Variants in NOL4 observed in about 807,000 individuals in gnomAD.
NOL4 encodes nucleolar protein 4, also known as cancer/testis antigen 125.
NOL4 carries 17 observed loss-of-function variants against 75.9 expected under a neutral mutation model. That is an observed-to-expected ratio of 0.22 (90% CI 0.15 to 0.34). The LOEUF (loss-of-function observed/expected upper bound fraction) is 0.34. NOL4 is among the 10% of genes least tolerant of loss of function. The pLI is 1.00. For synonymous variants in NOL4, 292 were observed against 289.9 expected, an observed-to-expected ratio of 1.01 and a Z score of -0.07; for missense variants, 614 against 793.5, an observed-to-expected ratio of 0.77 and a Z score of 2.72.
intron 8 of NOL4, among the ~76,000 whole-genome samples, chr18:33,943,702 A>G (rs1393129587): frequency 6.6e-6 from 1 of 151,938 alleles, no homozygotes; most frequent in African/African-American, 2.4e-5. Flanking sequence ...ATAAATAATT[A>G]AAAACTAAAA....
At position 34,051,362 on chromosome 18, in the gene NOL4, T is replaced by C. The variant is rs1317876752; in HGVS notation, c.773-31761A>G. On this transcript the variant is annotated intron_variant, in intron 5 of 10. Transcript: ENST00000261592. ...TGTCTACATAATTATTATTGGTTTA[T>C]AAAATTCAATAAATAAATATGTATT... Among the ~76,000 whole-genome samples, 5 of 152,266 alleles carry C rather than the reference T, an allele frequency of 3.3e-5. No homozygotes were observed. In the East Asian group the frequency reaches 7.7e-4, roughly 23 times the overall value.
chr18:34,026,696 T>G, intron 5 of NOL4, among the ~76,000 whole-genome samples: 1 of 152,298 alleles, frequency 6.6e-6, no homozygotes, highest in East Asian at 1.9e-4. Flanking sequence ...ATTTTGTAAT[T>G]TTTTAAATAA....
chr18:34,062,032 G>T (rs2077083987), intron 5 of NOL4, among the ~76,000 whole-genome samples: 1 of 152,012 alleles, frequency 6.6e-6, no homozygotes, highest in East Asian at 1.9e-4. Flanking sequence ...AAAATATATA[G>T]CAGGAGCACA....
intron 10 of NOL4, among the ~76,000 whole-genome samples, chr18:33,875,136 G>A (rs1340449838): frequency 1.3e-5 from 2 of 151,972 alleles, no homozygotes; most frequent in African/African-American, 4.8e-5. Context: ...GTTAACTTAT[G>A]CATTATGCAT....
At chr18:34,180,596 T>C (rs1484344782) in intron 1 of NOL4, among the ~76,000 whole-genome samples, 1 of 151,304 alleles carries the variant, frequency 6.6e-6, no homozygotes, top group African/African-American at 2.4e-5. Context: ...TTCAACACTA[T>C]AGTGGAGATT....
At chr18:33,861,973 A>T (rs11081831) in intron 10 of NOL4, among the ~76,000 whole-genome samples, 1 of 151,932 alleles carries the variant, frequency 6.6e-6, no homozygotes, top group Non-Finnish European at 1.5e-5. Flanking sequence ...TCAAACCTAA[A>T]CCAAAAGAAC....
At chr18:33,963,645 A>G (rs1280379511) in intron 6 of NOL4, among the ~76,000 whole-genome samples, 1 of 152,210 alleles carries the variant, frequency 6.6e-6, no homozygotes, top group Non-Finnish European at 1.5e-5. Flanking sequence ...CTCAAAACAC[A>G]GGTGTTGGCT....
chr18:33,921,904 C>T (rs1417683228), intron 9 of NOL4, among the ~76,000 whole-genome samples: 3 of 152,116 alleles, frequency 2.0e-5, no homozygotes, highest in Non-Finnish European at 2.9e-5. Context: ...ACTCTTGTTT[C>T]ATGTGTTTTA....
intron 1 of NOL4, chr18:34,222,538 GGA>G: frequency 1.3e-6 from 1 of 759,496 alleles, no homozygotes; most frequent in Non-Finnish European, 1.6e-6. Context: ...ATGCCAATAA[GGA>G]GACACTGTAG....
intron 1 of NOL4, among the ~76,000 whole-genome samples, chr18:34,197,422 G>A (rs1294771015): frequency 1.3e-5 from 2 of 151,996 alleles, no homozygotes; most frequent in Non-Finnish European, 2.9e-5. Context: ...TGTATAGGCT[G>A]ATAATACCAT....
At chr18:34,043,355 A>G (rs954866956) in intron 5 of NOL4, among the ~76,000 whole-genome samples, 3 of 152,136 alleles carry the variant, frequency 2.0e-5, no homozygotes, top group Non-Finnish European at 2.9e-5. Flanking sequence ...AGCTCCAATC[A>G]TCTTTACAAT....
rs116139849 is a variant in NOL4, at chr18:34,132,593, A to G, written c.265-2573T>C. Among the ~76,000 whole-genome samples the G allele has an allele frequency of 5.6e-3, 847 of 152,302 alleles. 11 individuals are homozygous for G. Among genetic ancestry groups the G allele is most frequent in the African/African-American group, 0.02 (812 of 41,562 alleles). Reference sequence around the variant, plus strand: ...ACCTGTACTCTATAAGTAAAAATCAAAAATGCCTTCAGAGGTTAGGTCTAC... The same window carrying G: ...ACCTGTACTCTATAAGTAAAAATCAGAAATGCCTTCAGAGGTTAGGTCTAC... On this transcript the variant is annotated intron_variant, in intron 1 of 10. Transcript: ENST00000261592.
chr18:34,155,183 A>G (rs2030146424), intron 1 of NOL4, among the ~76,000 whole-genome samples: 1 of 151,976 alleles, frequency 6.6e-6, no homozygotes, highest in Non-Finnish European at 1.5e-5. Context: ...TAACATATAT[A>G]TATATATTTG....
chr18:33,992,814 T>C (rs2146127851), intron 6 of NOL4, among the ~76,000 whole-genome samples: 1 of 152,100 alleles, frequency 6.6e-6, no homozygotes, highest in South Asian at 2.1e-4. Flanking sequence ...AAGGTAGAGG[T>C]GTCAGTTGGA....
intron 1 of NOL4, among the ~76,000 whole-genome samples, chr18:34,139,213 C>T (rs1380715497): frequency 2.0e-5 from 3 of 152,108 alleles, no homozygotes; most frequent in Admixed American, 1.3e-4. Context: ...GGGAGGATTC[C>T]CTCTTTTTCT....
At position 34,022,109 on chromosome 18, in the gene NOL4, A is replaced by T. The variant is rs193174508; in HGVS notation, c.773-2508T>A. ...ACAAGAGCGAAACTGCATCTCAAAA[A>T]AAATAAATAAATAAATAAAATAAAA... On this transcript the variant is annotated intron_variant, in intron 5 of 10. Transcript: ENST00000261592. Among the ~76,000 whole-genome samples the T allele has an allele frequency of 5.4e-3, 815 of 151,690 alleles. 4 individuals are homozygous for T. Among genetic ancestry groups the T allele is most frequent in the South Asian group, 0.016 (79 of 4,820 alleles).
intron 6 of NOL4, among the ~76,000 whole-genome samples, chr18:33,960,786 T>C (rs1405150960): frequency 6.6e-6 from 1 of 152,184 alleles, no homozygotes; most frequent in African/African-American, 2.4e-5. Context: ...TATTCTATGC[T>C]GTCTCTATAG....
At position 34,018,188 on chromosome 18, in the gene NOL4, T is replaced by C. The variant is rs1345387651; in HGVS notation, c.1056+1130A>G. Among the ~76,000 whole-genome samples the C allele has an allele frequency of 2.0e-5, 3 of 152,158 alleles. No individual in the cohort carries two copies. The East Asian group carries it at 5.8e-4, about 29-fold the overall frequency. On this transcript the variant is annotated intron_variant, in intron 6 of 10. Coordinates refer to ENST00000261592, the MANE Select transcript of NOL4 (RefSeq NM_003787.5). ...GAAACTTAGGAGTTATTTTGTTCTG[T>C]AAAATGTAACACAGTGCACAGTGAA... is the stretch of plus-strand genomic sequence containing the variant.
At chr18:34,042,448 T>G (rs1043299780) in intron 5 of NOL4, among the ~76,000 whole-genome samples, 1 of 152,076 alleles carries the variant, frequency 6.6e-6, no homozygotes, top group African/African-American at 2.4e-5. Context: ...ACATGAATGA[T>G]CAAATGTTGA....
Sources: gnomAD v4.1 joint callset for allele counts (sites outside exome capture counted in the v4.1 genomes callset) on GRCh38, gnomAD v4.1.1 for gene constraint, MANE v1.5 for transcripts, NCBI Gene and HGNC (gene_info 2026-07-23, HGNC 2026-07-21) for gene names.